The following NEBL variants were observed in gnomAD, a reference collection of about 807,000 sequenced individuals.
NEBL encodes the protein nebulette.
A neutral mutation model predicts 140.2 loss-of-function variants in NEBL; 122 were observed. The observed-to-expected ratio is 0.87, with a 90% CI of 0.75 to 1.01. NEBL has a LOEUF of 1.01. Ranked by LOEUF, NEBL falls within the 50% of genes least tolerant of loss-of-function variation. The pLI, the probability that NEBL is intolerant of heterozygous loss-of-function variation, is 0.00. For synonymous variants in NEBL, 436 were observed against 398.9 expected, an observed-to-expected ratio of 1.09 and a Z score of -1.11; for missense variants, 1,365 against 1,231.3, an observed-to-expected ratio of 1.11 and a Z score of -1.62.
intron 3 of NEBL, among the ~76,000 whole-genome samples, chr10:21,018,252 A>G (rs1197626789): frequency 6.6e-6 from 1 of 152,250 alleles, no homozygotes; most frequent in Non-Finnish European, 1.5e-5. Context: ...GATTTTGCAC[A>G]GTACCAAAGC....
At chr10:21,010,944 C>G (rs939665136) in intron 3 of NEBL, among the ~76,000 whole-genome samples, 21 of 152,184 alleles carry the variant, frequency 1.4e-4, no homozygotes, top group African/African-American at 4.6e-4. Context: ...TGACCTTCAG[C>G]CAATATCTGA....
chr10:20,975,773 G>T (rs1404956160), intron 3 of NEBL, among the ~76,000 whole-genome samples: 1 of 152,070 alleles, frequency 6.6e-6, no homozygotes, highest in Non-Finnish European at 1.5e-5. Context: ...CCTAGCACTA[G>T]CAAAATGAGG....
At chr10:21,171,190 C>T (rs972472081) in intron 2 of NEBL, among the ~76,000 whole-genome samples, 1 of 152,048 alleles carries the variant, frequency 6.6e-6, no homozygotes, top group Non-Finnish European at 1.5e-5. Context: ...ACAAAATTAA[C>T]TGAGCATGGT....
At chr10:21,202,542 C>T (rs376506803) in intron 3 of NEBL, among the ~76,000 whole-genome samples, 1 of 146,366 alleles carries the variant, frequency 6.8e-6, no homozygotes, top group African/African-American at 2.6e-5. Context: ...CAGCTCACTG[C>T]AAGCTCCGCC....
At chr10:21,195,943 C>T (rs1841641144) in intron 3 of NEBL, among the ~76,000 whole-genome samples, 1 of 152,162 alleles carries the variant, frequency 6.6e-6, no homozygotes, top group Non-Finnish European at 1.5e-5. Context: ...CAACACAAAA[C>T]CCTCCAAAGA....
chr10:20,835,443 C>A, intron 14 of NEBL, 70 bp downstream of exon 14: 2 of 1,105,590 alleles, frequency 1.8e-6, no homozygotes, highest in South Asian at 1.2e-5. Context: ...ATATAGTAAT[C>A]AAGTTGCTAA....
intron 3 of NEBL, among the ~76,000 whole-genome samples, chr10:20,986,748 A>G (rs1837272325): frequency 6.6e-6 from 1 of 152,242 alleles, no homozygotes; most frequent in Non-Finnish European, 1.5e-5. Context: ...TCTCTTGAGT[A>G]TGAATTTCTA....
intron 8 of NEBL, 124 bp from the exon 9 acceptor site, chr10:20,858,468 A>G: frequency 1.2e-6 from 1 of 807,022 alleles, no homozygotes; most frequent in East Asian, 2.7e-5. Flanking sequence ...ACGAATTTAC[A>G]AGGAGCCACT....
chr10:20,811,668 A>G (rs1490690422), intron 24 of NEBL, among the ~76,000 whole-genome samples: 1 of 152,222 alleles, frequency 6.6e-6, no homozygotes, highest in Non-Finnish European at 1.5e-5. Flanking sequence ...GGTTTTGTAA[A>G]GACATTACCC....
At chr10:21,126,168 C>G in intron 2 of NEBL, 1 of 1,562,498 alleles carries the variant, frequency 6.4e-7, no homozygotes, top group Non-Finnish European at 8.7e-7. Flanking sequence ...CCTGGTACCC[C>G]CCATAGAAAG....
At chr10:20,840,252 A>G (rs1841287994) in intron 13 of NEBL, among the ~76,000 whole-genome samples, 1 of 152,156 alleles carries the variant, frequency 6.6e-6, no homozygotes, top group South Asian at 2.1e-4. Context: ...TACAGGACTG[A>G]AAACACTTCA....
At chr10:21,048,469 A>AAC in intron 2 of NEBL, among the ~76,000 whole-genome samples, 1 of 151,420 alleles carries the variant, frequency 6.6e-6, no homozygotes, top group East Asian at 1.9e-4. Flanking sequence ...AAAAAAAAAA[A>AAC]CCTAAGTAAC....
At chr10:20,914,252 G>A (rs1307393003) in intron 4 of NEBL, among the ~76,000 whole-genome samples, 1 of 152,170 alleles carries the variant, frequency 6.6e-6, no homozygotes, top group Non-Finnish European at 1.5e-5. Context: ...CGGGTGGGTC[G>A]CTATTATTCA....
chr10:21,021,402 CCT>C (rs1211645585), intron 2 of NEBL, among the ~76,000 whole-genome samples: 1 of 152,224 alleles, frequency 6.6e-6, no homozygotes, highest in African/African-American at 2.4e-5. Context: ...AGTCTGGCCT[CCT>C]GTCTGCCAAG....
At chr10:21,057,588 C>T (rs1342901552) in intron 2 of NEBL, among the ~76,000 whole-genome samples, 3 of 118,620 alleles carry the variant, frequency 2.5e-5, no homozygotes, top group Admixed American at 2.5e-4. Context: ...CTGGCTCTGT[C>T]GCCCAGGCTG....
chr10:20,935,554 G>C (rs777879599), intron 4 of NEBL, among the ~76,000 whole-genome samples: 5 of 152,142 alleles, frequency 3.3e-5, no homozygotes, highest in Non-Finnish European at 7.4e-5. Flanking sequence ...CCTTTGCAAG[G>C]ATACTGTGCA....
intron 7 of NEBL, among the ~76,000 whole-genome samples, chr10:20,865,489 C>T (rs1453887053): frequency 6.6e-6 from 1 of 152,126 alleles, no homozygotes; most frequent in Non-Finnish European, 1.5e-5. Context: ...CTCCAGGGTA[C>T]ATTTTCTTAA....
At chr10:21,020,796 C>T (rs1838760526) in intron 2 of NEBL, among the ~76,000 whole-genome samples, 1 of 152,140 alleles carries the variant, frequency 6.6e-6, no homozygotes, top group Non-Finnish European at 1.5e-5. Context: ...TCCCTGTCTC[C>T]TGCAGGCTCC....
At chr10:20,901,695 T>A (rs1221282793), upstream of NEBL, among the ~76,000 whole-genome samples, 1 of 152,204 alleles carries the variant, frequency 6.6e-6, no homozygotes, top group Non-Finnish European at 1.5e-5. Flanking sequence ...TTTGTTTGCC[T>A]GATTTGTTTC....
Sources: allele counts gnomAD v4.1 joint callset (sites outside exome capture counted in the v4.1 genomes callset), GRCh38; gene constraint gnomAD v4.1.1; transcripts MANE v1.5; gene names NCBI Gene and HGNC (gene_info 2026-07-23, HGNC 2026-07-21).